Variants in HSP90AA1 observed in about 807,000 individuals in gnomAD.
HSP90AA1 encodes the protein heat shock protein 90 alpha family class A member 1, also known as heat shock protein HSP 90-alpha.
A neutral mutation model predicts 73.3 loss-of-function variants in HSP90AA1; 18 were observed. The observed-to-expected ratio is 0.25, with a 90% CI of 0.17 to 0.36. The LOEUF (loss-of-function observed/expected upper bound fraction) is 0.36, where lower values mean the gene tolerates loss of function less well. HSP90AA1 is among the 10% of genes least tolerant of loss of function. The pLI is 1.00. For synonymous variants in HSP90AA1, 477 were observed against 296.9 expected (o/e 1.61, Z -6.24); for missense variants, 704 against 874.2 (o/e 0.81, Z 2.45).
chr14:102,139,220 G>C lies in HSP90AA1; in HGVS notation c.155+30C>G. The C allele has an allele frequency of 1.9e-6, 3 of 1,613,518 alleles. 1 individual carries two copies. The South Asian group carries it at 3.3e-5, about 18-fold the overall frequency. ...CCTACCCCGCCTGAAATAAAACATA[G>C]TGAAGCGTAAATCTTGAGTCCCTTG... On this transcript the variant is annotated intron_variant, in intron 1 of 11. Transcript: ENST00000334701.
At chr14:102,084,324 G>A (rs1327915374) in intron 6 of HSP90AA1, 75 bp downstream of exon 6, 9 of 1,383,772 alleles carry the variant, frequency 6.5e-6, no homozygotes, top group Non-Finnish European at 9.2e-6. Context: ...AGGATTATAG[G>A]TGTGAGCCAC....
At chr14:102,086,184 C>G in intron 2 of HSP90AA1, 33 bp downstream of exon 2, 2 of 1,614,090 alleles carry the variant, frequency 1.2e-6, no homozygotes, top group Non-Finnish European at 1.7e-6. Context: ...ACACTGAAAC[C>G]AAAATCCGAT....
chr14:102,131,886 T>C (rs1020756263), intron 1 of HSP90AA1, among the ~76,000 whole-genome samples: 16 of 152,226 alleles, frequency 1.1e-4, no homozygotes, highest in African/African-American at 3.1e-4. Context: ...GAGGAATTCC[T>C]GTTTACTGAT....
rs2049098488 is a variant in HSP90AA1, at chr14:102,081,534, T to C, written c.*178A>G. ...TCAAAAAGCATTACTAGCTCTGCTT[T>C]AGTGCCTAAGGTATCACAGCATCAC... On this transcript the variant is annotated 3_prime_UTR_variant, in exon 11 of 11. Coordinates refer to ENST00000216281, the MANE Select transcript of HSP90AA1 (RefSeq NM_005348.4). The C allele has an allele frequency of 1.6e-5, 10 of 619,342 alleles. No individual in the cohort carries two copies. The highest frequency in any genetic ancestry group is 1.2e-4 in the South Asian group (6 of 51,528). 38.4% of individuals were successfully genotyped at this position (619,342 alleles called of 1,614,324 possible).
intron 1 of HSP90AA1, among the ~76,000 whole-genome samples, chr14:102,110,560 C>T (rs2049627084): frequency 6.6e-6 from 1 of 151,796 alleles, no homozygotes; most frequent in Admixed American, 6.6e-5. Context: ...GCTGGGATTA[C>T]AGGCGCCCAC....
upstream of HSP90AA1, among the ~76,000 whole-genome samples, chr14:102,087,979 C>T (rs1392026105): frequency 8.6e-6 from 1 of 116,020 alleles, no homozygotes; most frequent in Admixed American, 1.1e-4. Context: ...CAGGCTCTCG[C>T]TTTGTCGCCC....
At chr14:102,095,509 A>G (rs1389977719) in intron 2 of HSP90AA1, among the ~76,000 whole-genome samples, 1 of 152,206 alleles carries the variant, frequency 6.6e-6, no homozygotes, top group Non-Finnish European at 1.5e-5. Flanking sequence ...GAACTGACAG[A>G]GCAGAGGCAG....
At chr14:102,085,262 G>A (rs1304109688) in intron 4 of HSP90AA1, 36 bp downstream of exon 4, 5 of 1,599,672 alleles carry the variant, frequency 3.1e-6, no homozygotes, top group East Asian at 2.2e-5. Flanking sequence ...ATCACCTACA[G>A]ACAGAAATTC....
chr14:102,087,002 C>A lies in HSP90AA1; in HGVS notation c.-17G>T, dbSNP rs1456705407. ...ACCCGTCACCTTGGCTAAGTGACCGCACAGGACCAACGGCACAGCCACACC... is the reference window on the plus strand; with the variant it reads ...ACCCGTCACCTTGGCTAAGTGACCGAACAGGACCAACGGCACAGCCACACC... On this transcript the variant is annotated 5_prime_UTR_variant, in exon 1 of 11. Transcript: ENST00000216281. 1.7e-5 allele frequency: 17 copies of A among 985,254 alleles called. No homozygotes were observed. Among genetic ancestry groups the A allele is most frequent in the Admixed American group, 6.2e-5 (1 of 16,258 alleles). The allele number at this position is 985,254 out of a possible 1,614,324, so 61.0% of individuals were successfully genotyped here.
chr14:102,110,436 TTTTGA>T (rs1251214904), intron 1 of HSP90AA1, among the ~76,000 whole-genome samples: 5 of 137,826 alleles, frequency 3.6e-5, no homozygotes, highest in Non-Finnish European at 6.4e-5. Flanking sequence ...GTTTGTTTGT[TTTTGA>T]GAGAGTTTCA....
At chr14:102,101,593 C>T (rs1228261649) in intron 2 of HSP90AA1, among the ~76,000 whole-genome samples, 1 of 152,238 alleles carries the variant, frequency 6.6e-6, no homozygotes, top group African/African-American at 2.4e-5. Context: ...TTGTCTTTCT[C>T]TTTTCTCCCA....
At chr14:102,095,859 G>A (rs146608722) in intron 2 of HSP90AA1, among the ~76,000 whole-genome samples, 1 of 152,048 alleles carries the variant, frequency 6.6e-6, no homozygotes, top group Admixed American at 6.5e-5. Context: ...GGTCTTGCTG[G>A]GTTTATCTAT....
intron 1 of HSP90AA1, among the ~76,000 whole-genome samples, chr14:102,119,735 C>T (rs1334704543): frequency 6.6e-6 from 1 of 152,118 alleles, no homozygotes; most frequent in East Asian, 1.9e-4. Context: ...GCTCCGCCCG[C>T]CTCAGCCTCC....
At chr14:102,087,879 G>T (rs2152614638), upstream of HSP90AA1, among the ~76,000 whole-genome samples, 1 of 150,804 alleles carries the variant, frequency 6.6e-6, no homozygotes, top group African/African-American at 2.4e-5. Context: ...CGACCGATTT[G>T]CGGTCTCCAA....
At chr14:102,089,159 G>A (rs1193602641), upstream of HSP90AA1, among the ~76,000 whole-genome samples, 1 of 152,174 alleles carries the variant, frequency 6.6e-6, no homozygotes, top group Non-Finnish European at 1.5e-5. Flanking sequence ...GACCTCAGGT[G>A]ATCCGCCCGC....
chr14:102,126,576 G>A (rs1173220498), intron 1 of HSP90AA1, among the ~76,000 whole-genome samples: 1 of 151,746 alleles, frequency 6.6e-6, no homozygotes, highest in Non-Finnish European at 1.5e-5. Context: ...CCAGGCTGGA[G>A]TGCAGTGGCG....
intron 1 of HSP90AA1, 140 bp downstream of exon 1, chr14:102,086,846 A>C: frequency 2.9e-6 from 1 of 343,774 alleles, no homozygotes; most frequent in Non-Finnish European, 4.1e-6. Flanking sequence ...GGCCTCCGGA[A>C]TAGAAAGCGC....
chr14:102,097,283 GC>G (rs1393476280), intron 2 of HSP90AA1, among the ~76,000 whole-genome samples: 2 of 148,384 alleles, frequency 1.3e-5, no homozygotes, highest in Non-Finnish European at 3.0e-5. Context: ...ACCGCGCCCA[GC>G]AAAAGCAATT....
At chr14:102,109,574 C>T (rs568965531) in intron 1 of HSP90AA1, among the ~76,000 whole-genome samples, 7 of 152,290 alleles carry the variant, frequency 4.6e-5, no homozygotes, top group African/African-American at 1.7e-4. Context: ...TGTGAGGCTT[C>T]CCCAGCCATG....
Sources: gnomAD v4.1 joint callset for allele counts (sites outside exome capture counted in the v4.1 genomes callset) on GRCh38, gnomAD v4.1.1 for gene constraint, MANE v1.5 for transcripts, NCBI Gene and HGNC (gene_info 2026-07-23, HGNC 2026-07-21) for gene names.